The following MCTP2 variants were observed in gnomAD, a reference collection of about 807,000 sequenced individuals.
The protein encoded by MCTP2 is multiple C2 and transmembrane domain-containing protein 2.
A neutral mutation model predicts 111.6 loss-of-function variants in MCTP2; 132 were observed. That is an observed-to-expected ratio of 1.18 (90% confidence interval 1.03 to 1.37). The LOEUF (loss-of-function observed/expected upper bound fraction) is 1.37, where lower values mean the gene tolerates loss of function less well. Among genes scored for constraint, MCTP2 ranks in the 40% most tolerant of loss-of-function variants. The probability of loss-of-function intolerance (pLI) is 0.00; values close to 1 mark genes in which losing one functional copy is unlikely to be tolerated. For missense variants in MCTP2, 1,183 were observed against 1,067.9 expected (o/e 1.11, Z -1.50); for synonymous variants, 395 against 387.7 (o/e 1.02, Z -0.22).
At chr15:94,364,383 G>A (rs926024027) in intron 10 of MCTP2, among the ~76,000 whole-genome samples, 1 of 152,042 alleles carries the variant, frequency 6.6e-6, no homozygotes, top group African/African-American at 2.4e-5. Flanking sequence ...CCAAAGAGAG[G>A]ACAGAAAAGA....
chr15:94,269,353 TC>T (rs1371130719), intron 1 of MCTP2, among the ~76,000 whole-genome samples: 1 of 152,224 alleles, frequency 6.6e-6, no homozygotes, highest in Non-Finnish European at 1.5e-5. Context: ...CTTCTAATAT[TC>T]AGGCTTTAGG....
chr15:94,388,541 G>C (rs1166242135), intron 14 of MCTP2, among the ~76,000 whole-genome samples: 2 of 152,218 alleles, frequency 1.3e-5, no homozygotes, highest in Non-Finnish European at 2.9e-5. Flanking sequence ...AGTATAAGCT[G>C]TAAGTTGTTT....
intron 18 of MCTP2, among the ~76,000 whole-genome samples, chr15:94,440,593 C>T (rs2083725098): frequency 1.3e-5 from 2 of 152,178 alleles, no homozygotes; most frequent in African/African-American, 4.8e-5. Flanking sequence ...TGTAGAGTTC[C>T]TGTGAACAAC....
rs543722963 is a variant in MCTP2 at position 94,304,393 on chromosome 15, G to A, written c.465+5663G>A. Among the ~76,000 whole-genome samples, 13 of 152,348 alleles carry A rather than the reference G, an allele frequency of 8.5e-5. No individual in the cohort carries two copies. In the East Asian group the frequency reaches 2.3e-3, roughly 27 times the overall value. Reference sequence around the variant, plus strand: ...GGAGGCAGAGGTTGCAGTGGGCTGTGATTGTGCCCATGCACTCCAGCAAGG... The same window carrying A: ...GGAGGCAGAGGTTGCAGTGGGCTGTAATTGTGCCCATGCACTCCAGCAAGG... On this transcript the variant is annotated intron_variant, in intron 2 of 22. Transcript: ENST00000357742.
intron 1 of MCTP2, among the ~76,000 whole-genome samples, chr15:94,291,468 G>GC (rs1295938814): frequency 2.4e-4 from 37 of 152,270 alleles, no homozygotes; most frequent in East Asian, 1.5e-3. Context: ...GAGAGTGGTG[G>GC]CATATGCCTG....
At chr15:94,336,845 G>A (rs571390804) in intron 4 of MCTP2, among the ~76,000 whole-genome samples, 112 of 152,066 alleles carry the variant, frequency 7.4e-4, no homozygotes, top group African/African-American at 2.5e-3. Context: ...GATAGTCTAC[G>A]TCTGAGGCTG....
chr15:94,314,642 C>G (rs1484413471), intron 3 of MCTP2: 6 of 530,730 alleles, frequency 1.1e-5, no homozygotes, highest in African/African-American at 1.9e-5. Context: ...AGAAGGCTGT[C>G]AAGGGTGGCT....
rs2080158503 is a variant in MCTP2, at chr15:94,381,887, C to T, written c.1583-2135C>T. On this transcript the variant is annotated intron_variant, in intron 12 of 22. Coordinates refer to ENST00000357742, the MANE Select transcript of MCTP2 (RefSeq NM_001385001.1). ...GTAAACTGTCTTTAAATAAATAAGA[C>T]TTTTTGTGGGTGCAGATGGATTTTT... is the stretch of plus-strand genomic sequence containing the variant. Among the ~76,000 whole-genome samples, 3 of 152,186 alleles carry T rather than the reference C, an allele frequency of 2.0e-5. No individual in the cohort carries two copies. In the South Asian group the frequency reaches 6.2e-4, roughly 31 times the overall value.
At chr15:94,320,985 T>C (rs2076606528) in intron 4 of MCTP2, among the ~76,000 whole-genome samples, 1 of 152,174 alleles carries the variant, frequency 6.6e-6, no homozygotes, top group African/African-American at 2.4e-5. Context: ...TGCCTCATAA[T>C]GTGATTGTAA....
intron 18 of MCTP2, 60 bp downstream of exon 18, chr15:94,440,358 A>G: frequency 1.3e-6 from 2 of 1,594,908 alleles, no homozygotes; most frequent in Non-Finnish European, 1.7e-6. Flanking sequence ...ACAACAAACT[A>G]CCACCACCAC....
intron 2 of MCTP2, among the ~76,000 whole-genome samples, chr15:94,303,399 C>T (rs1314979823): frequency 6.6e-6 from 1 of 152,014 alleles, no homozygotes; most frequent in African/African-American, 2.4e-5. Flanking sequence ...TCTAGCCACA[C>T]TGGCAGCTGA....
rs537511616 is a variant in MCTP2, at chr15:94,425,985, ATTAG to A, written c.2086-14189_2086-14186del. Among the ~76,000 whole-genome samples, 26 of 152,142 alleles carry A rather than the reference ATTAG, an allele frequency of 1.7e-4. No homozygotes were observed. In the East Asian group the frequency reaches 2.3e-3, roughly 14 times the overall value. Reference sequence around the variant, plus strand: ...ACTGTTTCTTTTTTTTCTTCTGGCTATTAGTGTTTTTTGGACATGTCAATTGTCA... The same window carrying A: ...ACTGTTTCTTTTTTTTCTTCTGGCTATGTTTTTTGGACATGTCAATTGTCA... On this transcript the variant is annotated intron_variant, in intron 17 of 22. Transcript: ENST00000357742.
intron 4 of MCTP2, among the ~76,000 whole-genome samples, chr15:94,315,985 T>C (rs2076361334): frequency 6.6e-6 from 1 of 152,194 alleles, no homozygotes; most frequent in Non-Finnish European, 1.5e-5. Context: ...AGCCCATCCT[T>C]AGTATAAGGT....
chr15:94,250,466 A>G (rs977270652), intron 1 of MCTP2, among the ~76,000 whole-genome samples: 3 of 152,204 alleles, frequency 2.0e-5, no homozygotes, highest in Admixed American at 6.5e-5. Flanking sequence ...GGATTTTTGT[A>G]TGGATTTTCT....
At chr15:94,317,721 G>C (rs1324238477) in intron 4 of MCTP2, among the ~76,000 whole-genome samples, 1 of 152,120 alleles carries the variant, frequency 6.6e-6, no homozygotes, top group Admixed American at 6.5e-5. Context: ...TCTGGATATG[G>C]ATTCTTTCAT....
chr15:94,430,709 G>T (rs192925625), intron 17 of MCTP2, among the ~76,000 whole-genome samples: 47 of 152,070 alleles, frequency 3.1e-4, no homozygotes, highest in African/African-American at 1.1e-3. Flanking sequence ...CTGAGGTTGT[G>T]CCACTGCCCT....
At position 94,308,113 on chromosome 15, in the gene MCTP2, GTC is replaced by G. The variant is rs1377151499; in HGVS notation, c.466-6167_466-6166del. Among the ~76,000 whole-genome samples, 40 of 152,272 alleles carry G rather than the reference GTC, an allele frequency of 2.6e-4. 1 individual carries two copies. Among genetic ancestry groups the G allele is most frequent in the African/African-American group, 9.6e-4 (40 of 41,552 alleles). On this transcript the variant is annotated intron_variant, in intron 2 of 22. Coordinates refer to ENST00000357742, the MANE Select transcript of MCTP2 (RefSeq NM_001385001.1). Reference sequence around the variant, plus strand: ...TGTATGCGAAGAGTCCTCGCACAGTGTCTGTCTGAGAAAAGGCTTTCAGTAAA... The same window carrying G: ...TGTATGCGAAGAGTCCTCGCACAGTGTGTCTGAGAAAAGGCTTTCAGTAAA...
intron 17 of MCTP2, among the ~76,000 whole-genome samples, chr15:94,438,279 A>C (rs1281464127): frequency 6.6e-6 from 1 of 152,116 alleles, no homozygotes; most frequent in Non-Finnish European, 1.5e-5. Flanking sequence ...TATTGGTTAA[A>C]ATATTTGCAG....
chr15:94,274,471 A>G (rs1348779695), intron 1 of MCTP2, among the ~76,000 whole-genome samples: 1 of 152,162 alleles, frequency 6.6e-6, no homozygotes, highest in African/African-American at 2.4e-5. Flanking sequence ...TTTAGAAGGT[A>G]TTAATAAACT....
Sources: gnomAD v4.1 joint callset for allele counts (sites outside exome capture counted in the v4.1 genomes callset) on GRCh38, gnomAD v4.1.1 for gene constraint, MANE v1.5 for transcripts, NCBI Gene and HGNC (gene_info 2026-07-23, HGNC 2026-07-21) for gene names.